Variants in SATB1 observed in about 807,000 individuals in gnomAD.
The protein encoded by SATB1 is SATB homeobox 1.
A neutral mutation model predicts 86.9 loss-of-function variants in SATB1; 11 were observed. The observed-to-expected ratio is 0.13, with a 90% CI of 0.08 to 0.21. SATB1 has a LOEUF of 0.21. Ranked by LOEUF, SATB1 falls within the 10% of genes least tolerant of loss-of-function variation. The pLI, the probability that SATB1 is intolerant of heterozygous loss-of-function variation, is 1.00. For synonymous variants in SATB1, 357 were observed against 357.2 expected (o/e 1.00, Z 0.01); for missense variants, 551 against 937.6 (o/e 0.59, Z 5.39).
chr3:18,394,750 C>T lies in SATB1; in HGVS notation c.918G>A (p.Gly306=). The T allele has an allele frequency of 6.2e-7, 1 of 1,614,048 alleles. No homozygotes were observed. The highest frequency in any genetic ancestry group is 2.2e-5 in the East Asian group (1 of 44,872). Residue 306 remains glycine, a synonymous_variant, in exon 7 of 11, where the codon GGG becomes GGA. Coordinates refer to ENST00000338745, the MANE Select transcript of SATB1 (RefSeq NM_002971.6). The surrounding 1 kb of genome is among the most constrained non-coding windows in gnomAD (Gnocchi z 5.9). ...GAGGACTGATAGGTGTTGATACGAG[C>T]CCAGGGTGCAGGTTTGGAAGAGGTG... ...VRTPLPNLHP[G]LVSTPISPQL... is the part of the protein sequence containing the mutation.
In SATB1 at chr3:18,423,793, A is replaced by G. The variant is rs1251950959; in HGVS notation, c.-191T>C. The G allele has an allele frequency of 1.3e-5, 2 of 151,106 alleles. No individual in the cohort carries two copies. Among genetic ancestry groups the G allele is most frequent in the African/African-American group, 4.9e-5 (2 of 41,136 alleles). 9.4% of individuals were successfully genotyped at this position (151,106 alleles called of 1,614,324 possible). A position where few individuals can be genotyped will look rare whatever the true frequency, so the allele number is the denominator to read the frequency against. On this transcript the variant is annotated 5_prime_UTR_variant, in exon 1 of 11. Transcript: ENST00000338745. ...AGACCTGAAGGCGACTTCCCCTGAA[A>G]TTGTATTATTTTCCTTTCCCCTACC...
Position 18,394,613 on chromosome 3 carries a change from G to A in SATB1, c.1055C>T (p.Pro352Leu). ...AGGCTTATTCATAGATCTACTGACA[G>A]GGGGAGGGTGGTTCAAGTATTGTTG... is the stretch of plus-strand genomic sequence containing the variant. ...LNQQYLNHPPPVSRSMNKPLE... is the reference protein window; with the variant it reads ...LNQQYLNHPPLVSRSMNKPLE... Residue 352 changes from proline (P) to leucine (L), a missense_variant, in exon 7 of 11, where the codon CCT becomes CTT. Pro to Leu is a moderately conservative substitution (Grantham distance 98). Transcript: ENST00000338745. This position sits in a 1 kb window ranked among gnomAD's most constrained non-coding sequence, Gnocchi z 5.9. 1 of 1,614,210 alleles carries A rather than the reference G, an allele frequency of 6.2e-7. No homozygotes were observed. The highest frequency in any genetic ancestry group is 8.5e-7 in the Non-Finnish European group (1 of 1,180,042).
At chr3:18,358,025 A>C (rs908333620) in intron 9 of SATB1, among the ~76,000 whole-genome samples, 8 of 151,974 alleles carry the variant, frequency 5.3e-5, no homozygotes, top group African/African-American at 1.9e-4. Context: ...ATTATTTACT[A>C]GGTTAAAAGG....
intron 5 of SATB1, among the ~76,000 whole-genome samples, chr3:18,406,885 G>T (rs1697563651): frequency 6.6e-6 from 1 of 152,054 alleles, no homozygotes; most frequent in African/African-American, 2.4e-5. Flanking sequence ...ACTGGCTTAT[G>T]AAATAAACAT....
At chr3:18,421,447 G>A (rs1230344541) in intron 1 of SATB1, 2 of 156,850 alleles carry the variant, frequency 1.3e-5, no homozygotes, top group African/African-American at 4.8e-5. Context: ...TGTTTTATAT[G>A]TATACATTTT....
intron 1 of SATB1, among the ~76,000 whole-genome samples, chr3:18,422,695 G>A (rs1698450913): frequency 6.6e-6 from 1 of 152,140 alleles, no homozygotes; most frequent in Admixed American, 6.5e-5. Context: ...TCTGAAATTG[G>A]TTGCCTCATC....
intron 9 of SATB1, among the ~76,000 whole-genome samples, chr3:18,363,087 T>C (rs1169441309): frequency 2.0e-5 from 3 of 152,132 alleles, no homozygotes; most frequent in Non-Finnish European, 4.4e-5. Context: ...CTCCCTATTA[T>C]GCATATTTAG....
rs1465250711 is a variant in SATB1 at position 18,423,873 on chromosome 3, G to C, written c.-271C>G. On this transcript the variant is annotated 5_prime_UTR_variant, in exon 1 of 11. Coordinates refer to ENST00000338745, the MANE Select transcript of SATB1 (RefSeq NM_002971.6). Reference sequence around the variant, plus strand: ...AATAAACGTCTAGAAGAGTAGCCATGAGAAAGGGGTTTAAAAAAAAAATCA... The same window carrying C: ...AATAAACGTCTAGAAGAGTAGCCATCAGAAAGGGGTTTAAAAAAAAAATCA... 6.6e-6 allele frequency: 1 copy of C among 151,462 alleles called. No individual in the cohort carries two copies. Among genetic ancestry groups the C allele is most frequent in the East Asian group, 1.9e-4 (1 of 5,176 alleles). 9.4% of individuals were successfully genotyped at this position (151,462 alleles called of 1,614,324 possible).
At position 18,348,553 on chromosome 3, in the gene SATB1, T is replaced by C. The variant is rs977702282; in HGVS notation, c.*617A>G. On this transcript the variant is annotated 3_prime_UTR_variant, in exon 11 of 11. Coordinates refer to ENST00000338745, the MANE Select transcript of SATB1 (RefSeq NM_002971.6). ...ATTTTCTTTTCCTTTTTTTAAAAAA[T>C]CATGTAACAATGAGAATGAAAAAAA... 1 of 152,432 alleles carries C rather than the reference T, an allele frequency of 6.6e-6. No individual in the cohort carries two copies. The highest frequency in any genetic ancestry group is 1.5e-5 in the Non-Finnish European group (1 of 67,986). The allele number at this position is 152,432 out of a possible 1,614,324, so 9.4% of individuals were successfully genotyped here.
intron 9 of SATB1, among the ~76,000 whole-genome samples, chr3:18,357,752 A>G (rs1413224799): frequency 1.3e-5 from 2 of 151,780 alleles, no homozygotes; most frequent in African/African-American, 2.4e-5. Flanking sequence ...AAAACAACTA[A>G]AACAATATTA....
At position 18,386,156 on chromosome 3, in the gene SATB1, T is replaced by C. The variant is rs538212667; in HGVS notation, c.1419+243A>G. Among the ~76,000 whole-genome samples, 1 of 152,276 alleles carries C rather than the reference T, an allele frequency of 6.6e-6. No homozygotes were observed. Among genetic ancestry groups the C allele is most frequent in the South Asian group, 2.1e-4 (1 of 4,826 alleles). The stretch of plus-strand genomic sequence containing the variant: ...CAAATATCCCATTTAAAGACTACTT[T>C]CACCCCCAAATAACCCAAAGAATGA... On this transcript the variant is annotated intron_variant, in intron 8 of 10. Coordinates refer to ENST00000338745, the MANE Select transcript of SATB1 (RefSeq NM_002971.6). The surrounding 1 kb of genome is among the most constrained non-coding windows in gnomAD (Gnocchi z 4.5).
chr3:18,356,850 G>A (rs1694670032), intron 9 of SATB1, among the ~76,000 whole-genome samples: 2 of 151,814 alleles, frequency 1.3e-5, no homozygotes, highest in Admixed American at 1.3e-4. Context: ...CACATGCATA[G>A]AATGAGAACC....
chr3:18,365,765 G>C (rs1346241755), intron 9 of SATB1, among the ~76,000 whole-genome samples: 1 of 152,192 alleles, frequency 6.6e-6, no homozygotes, highest in Non-Finnish European at 1.5e-5. Flanking sequence ...AAGCTTGATG[G>C]ATAAGGCTTT....
chr3:18,444,482 C>A lies in SATB1; in HGVS notation c.-25+1036G>T. The A allele has an allele frequency of 4.5e-6, 3 of 666,670 alleles. No homozygotes were observed. Among genetic ancestry groups the A allele is most frequent in the Non-Finnish European group, 5.6e-6 (3 of 538,844 alleles). 41.3% of individuals were successfully genotyped at this position (666,670 alleles called of 1,614,324 possible). ...CTGCGCCCACGAGAGGGGAGCCCAG[C>A]CGCCCCAATAGGGGACGAGGAGTGG... On this transcript the variant is annotated intron_variant, in intron 1 of 3. Transcript: ENST00000415069. The surrounding 1 kb of genome is among the most constrained non-coding windows in gnomAD (Gnocchi z 5.1).
At chr3:18,410,630 C>T (rs571205152) in intron 5 of SATB1, among the ~76,000 whole-genome samples, 11 of 152,132 alleles carry the variant, frequency 7.2e-5, no homozygotes, top group Admixed American at 2.0e-4. Flanking sequence ...GCCTGGCATA[C>T]GGCAGACTGT....
At chr3:18,440,709 T>C (rs1395212305), upstream of SATB1, among the ~76,000 whole-genome samples, 2 of 152,212 alleles carry the variant, frequency 1.3e-5, no homozygotes, top group Non-Finnish European at 2.9e-5. Flanking sequence ...CTACTGTGGA[T>C]GATTTTTCGT....
chr3:18,363,997 CATT>C (rs77426626), intron 9 of SATB1, among the ~76,000 whole-genome samples: 19,289 of 152,122 alleles, frequency 0.13, 2,025 homozygotes, highest in African/African-American at 0.28. Flanking sequence ...GTCACTGCAT[CATT>C]GTTACCTCTG....
At chr3:18,366,604 T>C (rs9713190) in intron 9 of SATB1, among the ~76,000 whole-genome samples, 18,195 of 152,048 alleles carry the variant, frequency 0.12, 2,389 homozygotes, top group African/African-American at 0.32. Context: ...TACCACATAT[T>C]AAACCAAGCC....
chr3:18,393,116 G>A (rs913946927), intron 7 of SATB1, among the ~76,000 whole-genome samples: 12 of 151,828 alleles, frequency 7.9e-5, no homozygotes, highest in African/African-American at 2.4e-4. Flanking sequence ...CTGCAAACTA[G>A]GAATTAATAC....
Sources: allele counts gnomAD v4.1 joint callset (sites outside exome capture counted in the v4.1 genomes callset), GRCh38; gene constraint gnomAD v4.1.1; non-coding constraint Gnocchi (gnomAD v3.1); transcripts MANE v1.5; gene names NCBI Gene and HGNC (gene_info 2026-07-23, HGNC 2026-07-21).